AMOT: variants seen among roughly 807,000 people sequenced by gnomAD.
AMOT encodes angiomotin.
Under a neutral mutation model 67.0 loss-of-function variants are expected in AMOT, and 11 were observed. That is an observed-to-expected ratio of 0.16 (90% CI 0.10 to 0.27). AMOT has a LOEUF of 0.27. Among genes scored for constraint, AMOT ranks in the 10% least tolerant of loss-of-function variants. AMOT has a pLI of 1.00. For missense variants in AMOT, 753 were observed against 852.0 expected (o/e 0.88, Z 1.45); for synonymous variants, 326 against 321.4 (o/e 1.01, Z -0.15).
At chrX:112,831,150 C>T (rs147405522) in intron 2 of AMOT, among the ~76,000 whole-genome samples, 2 of 109,654 alleles carry the variant, frequency 1.8e-5, no homozygotes, top group Admixed American at 9.9e-5. Flanking sequence ...AAAAATCATC[C>T]GGTCCTAAAG....
intron 8 of AMOT, among the ~76,000 whole-genome samples, chrX:112,801,118 G>A (rs1934000042): frequency 1.8e-5 from 2 of 111,495 alleles, no homozygotes; most frequent in African/African-American, 3.3e-5. Flanking sequence ...CTTCCACTCC[G>A]GATCATCATA....
intron 2 of AMOT, among the ~76,000 whole-genome samples, chrX:112,830,321 T>C (rs1222507847): frequency 1.8e-5 from 2 of 112,413 alleles, no homozygotes; most frequent in Admixed American, 1.9e-4. Flanking sequence ...GGCTGCATAA[T>C]AGTGCATTAA....
In AMOT at chrX:112,778,315, G is replaced by A. The variant is rs879135565; in HGVS notation, c.*252C>T. ...CCACCTGTTAACAGTCCCAGTATTCGTATAAATTCAAACAATAAGCTTTAG... is the reference window on the plus strand; with the variant it reads ...CCACCTGTTAACAGTCCCAGTATTCATATAAATTCAAACAATAAGCTTTAG... On this transcript the variant is annotated 3_prime_UTR_variant, in exon 14 of 14. Transcript: ENST00000371959. 2.4e-5 allele frequency: 6 copies of A among 252,200 alleles called. No homozygotes were observed. The highest frequency in any genetic ancestry group is 4.2e-5 in the Non-Finnish European group (6 of 141,219). 20.8% of individuals were successfully genotyped at this position (252,200 alleles called of 1,213,427 possible).
At chrX:112,816,551 G>A (rs140282099) in intron 4 of AMOT, among the ~76,000 whole-genome samples, 22 of 112,201 alleles carry the variant, frequency 2.0e-4, no homozygotes, top group Non-Finnish European at 2.8e-4. Flanking sequence ...TACAAGCAAT[G>A]CTAACATACT....
intron 12 of AMOT, 138 bp downstream of exon 12, chrX:112,780,748 G>C: frequency 1.6e-6 from 1 of 611,903 alleles, no homozygotes; most frequent in Middle Eastern, 3.2e-4. Context: ...GGTCTCAGGA[G>C]GAAAAAAAAA....
At chrX:112,825,260 C>T (rs1041671345) in intron 2 of AMOT, 40 bp from the exon 3 acceptor site, 3 of 111,465 alleles carry the variant, frequency 2.7e-5, no homozygotes, top group South Asian at 3.9e-4. Context: ...GAAATAAAAA[C>T]GTCGTTTCTA....
intron 7 of AMOT, among the ~76,000 whole-genome samples, chrX:112,806,376 T>TATACTTGC (rs1556215129): frequency 0.01 from 1,059 of 104,852 alleles, 6 homozygotes; most frequent in Non-Finnish European, 0.015. Context: ...TATATATATA[T>TATACTTGC]ATATATACTT....
intron 8 of AMOT, among the ~76,000 whole-genome samples, chrX:112,801,313 T>G (rs1257389789): frequency 9.0e-6 from 1 of 111,000 alleles, no homozygotes; most frequent in East Asian, 2.8e-4. Flanking sequence ...GAGCCTCCAC[T>G]TCAATAGGAC....
chrX:112,824,409 A>T (rs1264145151), intron 3 of AMOT, among the ~76,000 whole-genome samples: 1 of 111,765 alleles, frequency 8.9e-6, no homozygotes, highest in Non-Finnish European at 1.9e-5. Context: ...CTAGATGGCA[A>T]CTCTGGATCC....
intron 5 of AMOT, among the ~76,000 whole-genome samples, chrX:112,813,999 G>A (rs904361881): frequency 1.8e-5 from 2 of 112,070 alleles, no homozygotes; most frequent in East Asian, 2.8e-4. Flanking sequence ...TTTGCCAGGC[G>A]CAGTGGCTCA....
rs1459537389 is a variant in AMOT at position 112,792,981 on chromosome X, TTCTTCTTTAAAGAAGATATATA to T, written c.1777-1022_1777-1001del. 3.4e-5 allele frequency among the ~76,000 whole-genome samples: 3 copies of T among 87,657 alleles called. No individual in the cohort carries two copies. The South Asian group carries it at 1.3e-3, about 38-fold the overall frequency. 76.1% of individuals were successfully genotyped at this position (87,657 alleles called of 115,157 possible). A position where few individuals can be genotyped will look rare whatever the true frequency, so the allele number is the denominator to read the frequency against. On this transcript the variant is annotated intron_variant, in intron 8 of 13. Coordinates refer to ENST00000371959, the MANE Select transcript of AMOT (RefSeq NM_001113490.2). The stretch of plus-strand genomic sequence containing the variant: ...GAGCTCTTTAAAGAAGATATATATC[TTCTTCTTTAAAGAAGATATATA>T]TCTTCTTCTTTAAAGAAGATATGGG...
At chrX:112,818,510 C>T (rs751606886) in intron 4 of AMOT, among the ~76,000 whole-genome samples, 309 of 111,613 alleles carry the variant, frequency 2.8e-3, no homozygotes, top group Middle Eastern at 0.014. Context: ...CAAGGCAGCC[C>T]GTCACTGGCT....
rs185557380 is a variant in AMOT, at chrX:112,803,468, G to A, written c.1776+1479C>T. ...TAAGCTCCTTAAACCTAGACATCAG[G>A]TAAGTACAAGTCTTCCTCATTTTCT... On this transcript the variant is annotated intron_variant, in intron 8 of 13. Transcript: ENST00000371959. 1.4e-3 allele frequency among the ~76,000 whole-genome samples: 160 copies of A among 112,281 alleles called. 1 individual carries two copies. Among genetic ancestry groups the A allele is most frequent in the African/African-American group, 5.1e-3 (159 of 30,903 alleles).
chrX:112,795,227 C>T lies in AMOT; in HGVS notation c.1777-3246G>A, dbSNP rs140040025. Among the ~76,000 whole-genome samples, 816 of 103,531 alleles carry T rather than the reference C, an allele frequency of 7.9e-3. 4 individuals are homozygous for T. The highest frequency in any genetic ancestry group is 0.011 in the Non-Finnish European group (591 of 51,714). 89.9% of individuals were successfully genotyped at this position (103,531 alleles called of 115,157 possible). On this transcript the variant is annotated intron_variant, in intron 8 of 13. Transcript: ENST00000371959. ...TCTCTCTTTCATTCTCTCTCTCTTC[C>T]CTCTTTCTCTGTCTCTCTCTCTGTG...
rs1200497149 is a variant in AMOT, at chrX:112,795,238, GTCTC to G, written c.1777-3261_1777-3258del. Reference sequence around the variant, plus strand: ...TTCTCTCTCTCTTCCCTCTTTCTCTGTCTCTCTCTCTGTGTGTGTGTGTGTGTGT... The same window carrying G: ...TTCTCTCTCTCTTCCCTCTTTCTCTGTCTCTCTGTGTGTGTGTGTGTGTGT... On this transcript the variant is annotated intron_variant, in intron 8 of 13. Coordinates refer to ENST00000371959, the MANE Select transcript of AMOT (RefSeq NM_001113490.2). Among the ~76,000 whole-genome samples the G allele has an allele frequency of 2.0e-4, 19 of 93,820 alleles. No homozygotes were observed. In the South Asian group the frequency reaches 2.9e-3, roughly 14 times the overall value. 81.5% of individuals were successfully genotyped at this position (93,820 alleles called of 115,157 possible). A position where few individuals can be genotyped will look rare whatever the true frequency, so the allele number is the denominator to read the frequency against.
At chrX:112,817,253 A>C (rs1242726350) in intron 4 of AMOT, among the ~76,000 whole-genome samples, 2 of 112,226 alleles carry the variant, frequency 1.8e-5, no homozygotes, top group Non-Finnish European at 3.8e-5. Context: ...GGTCACAAAT[A>C]AATTGCAAAA....
chrX:112,833,481 G>T (rs184933076), intron 1 of AMOT, among the ~76,000 whole-genome samples: 18 of 86,474 alleles, frequency 2.1e-4, no homozygotes, highest in African/African-American at 6.2e-4. Flanking sequence ...GGAGTAAAGG[G>T]GGGGGGGGGG....
chrX:112,801,161 T>A (rs962062949), intron 8 of AMOT, among the ~76,000 whole-genome samples: 1 of 111,646 alleles, frequency 9.0e-6, no homozygotes, highest in Non-Finnish European at 1.9e-5. Flanking sequence ...TGGGCTGCCC[T>A]GAGCCTTGTG....
Position 112,813,744 on chromosome X carries a change from G to C in AMOT, c.1392+1614C>G, listed in dbSNP as rs147496098. ...AGATGGGCTGGGATCACCATGAAGAGAGAGTTTGGAGAGGGGGTGTCAACT... is the reference window on the plus strand; with the variant it reads ...AGATGGGCTGGGATCACCATGAAGACAGAGTTTGGAGAGGGGGTGTCAACT... On this transcript the variant is annotated intron_variant, in intron 5 of 13. Coordinates refer to ENST00000371959, the MANE Select transcript of AMOT (RefSeq NM_001113490.2). 9.7e-3 allele frequency among the ~76,000 whole-genome samples: 1,089 copies of C among 111,876 alleles called. 15 individuals are homozygous for C. Among genetic ancestry groups the C allele is most frequent in the African/African-American group, 0.034 (1,041 of 30,765 alleles).
Sources: gnomAD v4.1 joint callset for allele counts (sites outside exome capture counted in the v4.1 genomes callset) on GRCh38, gnomAD v4.1.1 for gene constraint, MANE v1.5 for transcripts, NCBI Gene and HGNC (gene_info 2026-07-23, HGNC 2026-07-21) for gene names.